The following SVIL variants were observed in gnomAD, a reference collection of about 807,000 sequenced individuals.
SVIL encodes the protein supervillin, also known as archvillin.
A neutral mutation model predicts 240.4 loss-of-function variants in SVIL; 101 were observed. The ratio of observed to expected loss-of-function variants is 0.42; its 90% CI spans 0.36 to 0.50. SVIL has a LOEUF of 0.50. Among genes scored for constraint, SVIL ranks in the 20% least tolerant of loss-of-function variants. SVIL has a pLI of 0.01. For synonymous variants in SVIL, 999 were observed against 1,100.0 expected (o/e 0.91, Z 1.82); for missense variants, 2,512 against 2,818.7 (o/e 0.89, Z 2.46).
chr10:29,509,330 G>GGGGAGGGAGAGA (rs1949620403), intron 17 of SVIL, among the ~76,000 whole-genome samples: 2 of 66,880 alleles, frequency 3.0e-5, no homozygotes, highest in African/African-American at 9.7e-5. Context: ...GGAGGGGGAG[G>GGGGAGGGAGAGA]GAGAGAGAGA....
chr10:29,534,023 C>G (rs1374978985), intron 7 of SVIL, among the ~76,000 whole-genome samples: 1 of 152,214 alleles, frequency 6.6e-6, no homozygotes, highest in African/African-American at 2.4e-5. Context: ...CATTCACAAG[C>G]TTTTTCATGC....
At chr10:29,629,569 A>G (rs1259342867) in intron 1 of SVIL, among the ~76,000 whole-genome samples, 2 of 152,144 alleles carry the variant, frequency 1.3e-5, no homozygotes, top group African/African-American at 4.8e-5. Context: ...CTGGGTTCAA[A>G]TCCAGCTGGA....
intron 30 of SVIL, among the ~76,000 whole-genome samples, chr10:29,473,230 G>A (rs1006496216): frequency 6.6e-6 from 1 of 152,118 alleles, no homozygotes; most frequent in African/African-American, 2.4e-5. Flanking sequence ...AGACAGTAAG[G>A]GAGTGACCCA....
At chr10:29,658,292 A>G (rs1959063493) in intron 2 of SVIL, among the ~76,000 whole-genome samples, 2 of 152,220 alleles carry the variant, frequency 1.3e-5, no homozygotes, top group African/African-American at 4.8e-5. Context: ...CAATAAAAGA[A>G]TGCATTTTTC....
At chr10:29,534,880 G>A (rs979375132) in intron 7 of SVIL, among the ~76,000 whole-genome samples, 26 of 152,354 alleles carry the variant, frequency 1.7e-4, no homozygotes, top group African/African-American at 6.0e-4. Flanking sequence ...GAAGTACCAT[G>A]TAGTGGGAAA....
intron 1 of SVIL, among the ~76,000 whole-genome samples, chr10:29,595,726 A>G (rs2132818585): frequency 6.6e-6 from 1 of 152,264 alleles, no homozygotes; most frequent in Non-Finnish European, 1.5e-5. Flanking sequence ...ATATCGTCCA[A>G]GCAGGCAACG....
chr10:29,603,316 C>T (rs1956886194), intron 1 of SVIL, among the ~76,000 whole-genome samples: 2 of 151,622 alleles, frequency 1.3e-5, no homozygotes, highest in South Asian at 4.2e-4. Context: ...AAAAGAGAAG[C>T]AGGGGGAGAA....
At chr10:29,712,109 A>G (rs1685076222) in intron 1 of SVIL, 1 of 152,236 alleles carries the variant, frequency 6.6e-6, no homozygotes, top group Admixed American at 6.5e-5. Context: ...TATTAGAATT[A>G]TAGAGAGGGA....
chr10:29,474,187 C>A lies in SVIL; in HGVS notation c.5378-198G>T, dbSNP rs545514633. On this transcript the variant is annotated intron_variant, in intron 29 of 37. Coordinates refer to ENST00000355867, the MANE Select transcript of SVIL (RefSeq NM_021738.3). ...GAGAAAAACCACCTTCCTTCCAGCT[C>A]CTGACCCAGAACTTCCCACAGGGAG... is the stretch of plus-strand genomic sequence containing the variant. 5.5e-4 allele frequency among the ~76,000 whole-genome samples: 84 copies of A among 152,324 alleles called. 1 individual carries two copies. Among genetic ancestry groups the A allele is most frequent in the Non-Finnish European group, 8.8e-4 (60 of 68,032 alleles).
intron 27 of SVIL, among the ~76,000 whole-genome samples, chr10:29,482,021 C>CTTTTTTTTTT (rs35856299): frequency 8.9e-4 from 101 of 113,372 alleles, no homozygotes; most frequent in Non-Finnish European, 1.5e-3. Context: ...CTTTTCTTTT[C>CTTTTTTTTTT]TTTTTTTTTT....
upstream of SVIL, among the ~76,000 whole-genome samples, chr10:29,639,884 T>G (rs180976326): frequency 1.3e-5 from 2 of 152,292 alleles, no homozygotes. Context: ...ACATAAAACC[T>G]AGATCCAAAC....
rs931053024 is a variant in SVIL, at chr10:29,458,558, A to G, written c.6434T>C (p.Val2145Ala). 6.2e-7 allele frequency: 1 copy of G among 1,612,736 alleles called. No individual in the cohort carries two copies. Among genetic ancestry groups the G allele is most frequent in the Non-Finnish European group, 8.5e-7 (1 of 1,179,524 alleles). ...DTEVSNQITL[V>A]EDVLAKLCKT... ...ACAGAGCTTGGCTAAGACGTCTTCC[A>G]CGAGGGTGATCTGATTGGAAACTTC... The change falls in exon 37 of 38, where the codon GTG (valine) becomes GCG (alanine). Residue 2145 changes from valine to alanine, a missense_variant. By Grantham distance (64) the Val-to-Ala change is moderately conservative (BLOSUM62 0). This residue lies in a region of SVIL where 797 missense variants were observed against 925.3 expected (regional missense o/e 0.86). Transcript: ENST00000355867.
chr10:29,630,530 T>C (rs1297931707), intron 1 of SVIL, among the ~76,000 whole-genome samples: 3 of 152,106 alleles, frequency 2.0e-5, no homozygotes, highest in Admixed American at 2.0e-4. Flanking sequence ...GTGACCCAAG[T>C]TGAAGTTGAC....
At chr10:29,458,690 G>A in intron 36 of SVIL, 101 bp from the exon 37 acceptor site, 1 of 1,223,812 alleles carries the variant, frequency 8.2e-7, no homozygotes, top group East Asian at 2.5e-5. Flanking sequence ...CCTGCATACT[G>A]CCTGAGGATG....
chr10:29,594,273 A>C (rs978245851), intron 1 of SVIL, among the ~76,000 whole-genome samples: 7 of 82,308 alleles, frequency 8.5e-5, no homozygotes, highest in Admixed American at 4.9e-4. Flanking sequence ...ATAAAAAAAA[A>C]TTCTAAGATC....
chr10:29,524,750 A>G (rs1950784308), intron 13 of SVIL, 35 bp from the exon 14 acceptor site: 1 of 1,606,590 alleles, frequency 6.2e-7, no homozygotes, highest in African/African-American at 1.3e-5. Flanking sequence ...CACATATACC[A>G]ACAAACAAAA....
intron 29 of SVIL, among the ~76,000 whole-genome samples, chr10:29,478,884 C>T (rs1039385444): frequency 7.5e-6 from 1 of 133,674 alleles, no homozygotes; most frequent in African/African-American, 2.8e-5. Flanking sequence ...GAGATTCTGC[C>T]ATTGCACTCC....
At chr10:29,523,069 A>C (rs1223290547) in intron 15 of SVIL, among the ~76,000 whole-genome samples, 1 of 152,200 alleles carries the variant, frequency 6.6e-6, no homozygotes, top group Non-Finnish European at 1.5e-5. Flanking sequence ...GGCATGCAGG[A>C]AGAAGCACTC....
At chr10:29,583,670 T>C (rs993592083) in intron 1 of SVIL, among the ~76,000 whole-genome samples, 14 of 152,188 alleles carry the variant, frequency 9.2e-5, no homozygotes, top group African/African-American at 3.4e-4. Flanking sequence ...CCCTTGCTGA[T>C]TGATGCGGGG....
Sources: gnomAD v4.1 joint callset for allele counts (sites outside exome capture counted in the v4.1 genomes callset) on GRCh38, gnomAD v4.1.1 for gene constraint, gnomAD v4.1.1 regional missense constraint, MANE v1.5 for transcripts, NCBI Gene and HGNC (gene_info 2026-07-23, HGNC 2026-07-21) for gene names.